KIAA1217: variants seen among roughly 807,000 people sequenced by gnomAD.
The protein encoded by KIAA1217 is KIAA1217, also known as sickle tail protein homolog.
Under a neutral mutation model 163.9 loss-of-function variants are expected in KIAA1217, and 88 were observed. That is an observed-to-expected ratio of 0.54 (90% CI 0.45 to 0.64). KIAA1217 has a LOEUF of 0.64. Ranked by LOEUF, KIAA1217 falls within the 30% of genes least tolerant of loss-of-function variation. The pLI is 0.00. For missense variants in KIAA1217, 2,372 were observed against 2,475.0 expected (o/e 0.96, Z 0.88); for synonymous variants, 903 against 923.1 (o/e 0.98, Z 0.39).
intron 2 of KIAA1217, among the ~76,000 whole-genome samples, chr10:24,144,322 G>A (rs1302874460): frequency 6.6e-6 from 1 of 152,176 alleles, no homozygotes; most frequent in East Asian, 1.9e-4. Context: ...ATGTCATCTT[G>A]TAGAGCAAAG....
intron 1 of KIAA1217, among the ~76,000 whole-genome samples, chr10:23,851,997 G>C (rs1430482662): frequency 2.0e-5 from 3 of 151,758 alleles, no homozygotes; most frequent in African/African-American, 7.3e-5. Flanking sequence ...TTTTTTTGCT[G>C]TGCAGAAGCT....
intron 2 of KIAA1217, among the ~76,000 whole-genome samples, chr10:24,311,037 A>G (rs1011920266): frequency 4.7e-4 from 71 of 152,168 alleles, no homozygotes; most frequent in African/African-American, 1.6e-3. Context: ...AGATTGCCAA[A>G]TATTTAAATG....
chr10:23,919,083 T>C (rs1216863753), intron 1 of KIAA1217, among the ~76,000 whole-genome samples: 1 of 152,052 alleles, frequency 6.6e-6, no homozygotes, highest in Admixed American at 6.6e-5. Context: ...GACTCCCCCA[T>C]CTCCCAACCT....
chr10:24,047,308 C>CA (rs1849106163), intron 2 of KIAA1217, among the ~76,000 whole-genome samples: 1 of 152,054 alleles, frequency 6.6e-6, no homozygotes. Flanking sequence ...GCCTGCAGGC[C>CA]AAAAATCACT....
chr10:24,397,573 C>T (rs560769579), intron 3 of KIAA1217, among the ~76,000 whole-genome samples: 2 of 152,110 alleles, frequency 1.3e-5, no homozygotes, highest in East Asian at 1.9e-4. Flanking sequence ...AAAGTAAAAA[C>T]GACAAAGATC....
At chr10:23,741,757 A>C (rs1221821658) in intron 1 of KIAA1217, among the ~76,000 whole-genome samples, 1 of 152,180 alleles carries the variant, frequency 6.6e-6, no homozygotes, top group Non-Finnish European at 1.5e-5. Flanking sequence ...CATCAAACAA[A>C]TCCACATGTA....
intron 2 of KIAA1217, among the ~76,000 whole-genome samples, chr10:24,292,307 AT>A (rs1174315586): frequency 2.0e-5 from 3 of 152,218 alleles, no homozygotes; most frequent in African/African-American, 7.2e-5. Context: ...AAGTAGACCA[AT>A]TTGGACCAAT....
At chr10:23,798,837 G>C (rs1836333512) in intron 1 of KIAA1217, among the ~76,000 whole-genome samples, 1 of 152,204 alleles carries the variant, frequency 6.6e-6, no homozygotes, top group East Asian at 1.9e-4. Flanking sequence ...AAGGAAGGAT[G>C]AGAGATGGTG....
chr10:24,034,218 T>C (rs1329568858), intron 2 of KIAA1217, among the ~76,000 whole-genome samples: 1 of 152,158 alleles, frequency 6.6e-6, no homozygotes, highest in African/African-American at 2.4e-5. Context: ...TGTTTTCTCC[T>C]GGATTACATA....
chr10:24,489,772 A>C (rs114390548), intron 6 of KIAA1217, among the ~76,000 whole-genome samples: 1,927 of 148,266 alleles, frequency 0.013, 46 homozygotes, highest in African/African-American at 0.045. Flanking sequence ...GCTGAGGTGA[A>C]AGGATCTCTT....
Position 24,513,348 on chromosome 10 carries a change from G to A in KIAA1217, c.2091G>A (p.Glu697=), listed in dbSNP as rs2069509478. 6.2e-7 allele frequency: 1 copy of A among 1,614,068 alleles called. No individual in the cohort carries two copies. The highest frequency in any genetic ancestry group is 1.3e-5 in the African/African-American group (1 of 74,938). Residue 697 remains glutamate, a synonymous_variant, in exon 10 of 21, where the codon GAG becomes GAA. Coordinates refer to ENST00000376454, the MANE Select transcript of KIAA1217 (RefSeq NM_019590.5). ...TGATGGAAACAATGAAGAGACTGGA[G>A]GATCCCGTGCAGCGACAGCGCGTCC... ...GKVMETMKRL[E]DPVQRQRVLV...
intron 1 of KIAA1217, among the ~76,000 whole-genome samples, chr10:23,815,758 A>G (rs922706972): frequency 6.6e-6 from 1 of 152,252 alleles, no homozygotes; most frequent in Non-Finnish European, 1.5e-5. Flanking sequence ...TATTTCATGT[A>G]TAATGAGTTT....
intron 2 of KIAA1217, among the ~76,000 whole-genome samples, chr10:24,029,479 T>A (rs147176964): frequency 5.9e-5 from 9 of 152,260 alleles, no homozygotes; most frequent in African/African-American, 2.2e-4. Context: ...CCTCAGTGGA[T>A]CTTTATTTAC....
At chr10:24,527,830 C>A (rs975391373) in intron 13 of KIAA1217, 106 bp from the exon 14 acceptor site, 1 of 803,046 alleles carries the variant, frequency 1.2e-6, no homozygotes, top group Non-Finnish European at 2.0e-6. Flanking sequence ...AGTTATTTTT[C>A]CTGATCCTCT....
intron 6 of KIAA1217, among the ~76,000 whole-genome samples, chr10:24,484,182 TAC>T (rs2065050265): frequency 6.9e-6 from 1 of 145,372 alleles, no homozygotes; most frequent in African/African-American, 2.5e-5. Flanking sequence ...TATATAGATA[TAC>T]ATATATATTG....
chr10:23,790,585 G>C (rs117105248), intron 1 of KIAA1217, among the ~76,000 whole-genome samples: 1 of 75,192 alleles, frequency 1.3e-5, no homozygotes, highest in East Asian at 3.0e-4. Context: ...ATATGTATAT[G>C]TACATATATA....
chr10:24,247,194 T>C (rs1478054433), intron 2 of KIAA1217, among the ~76,000 whole-genome samples: 1 of 150,554 alleles, frequency 6.6e-6, no homozygotes, highest in Non-Finnish European at 1.5e-5. Context: ...AGTTCAGGGG[T>C]ATGTGTGCAG....
At chr10:23,846,888 T>G (rs1164535137) in intron 1 of KIAA1217, among the ~76,000 whole-genome samples, 1 of 152,170 alleles carries the variant, frequency 6.6e-6, no homozygotes, top group Non-Finnish European at 1.5e-5. Context: ...AAATAGCTCC[T>G]ATTATTTTGA....
chr10:23,865,989 C>G (rs2131147110), intron 1 of KIAA1217, among the ~76,000 whole-genome samples: 1 of 152,276 alleles, frequency 6.6e-6, no homozygotes, highest in African/African-American at 2.4e-5. Context: ...GCTGGCAAAG[C>G]AAATCAACAA....
Sources: gnomAD v4.1 joint callset for allele counts (sites outside exome capture counted in the v4.1 genomes callset) on GRCh38, gnomAD v4.1.1 for gene constraint, MANE v1.5 for transcripts, NCBI Gene and HGNC (gene_info 2026-07-23, HGNC 2026-07-21) for gene names.